The following DPYSL2 variants were observed in gnomAD, a reference collection of about 807,000 sequenced individuals.
DPYSL2 encodes dihydropyrimidinase like 2.
In DPYSL2, 13 loss-of-function variants were observed where a neutral mutation model predicts 69.9. The observed-to-expected ratio is 0.19, with a 90% confidence interval of 0.12 to 0.30. The LOEUF is 0.30. DPYSL2 is among the 10% of genes least tolerant of loss of function. The probability of loss-of-function intolerance (pLI) is 1.00; values close to 1 mark genes in which losing one functional copy is unlikely to be tolerated. For missense variants in DPYSL2, 587 were observed against 918.9 expected, an observed-to-expected ratio of 0.64 and a Z score of 4.67; for synonymous variants, 326 against 359.1, an observed-to-expected ratio of 0.91 and a Z score of 1.04.
At position 26,516,336 on chromosome 8, in the gene DPYSL2, G is replaced by A. The variant is rs903073363; in HGVS notation, c.354+1657G>A. 6.6e-6 allele frequency among the ~76,000 whole-genome samples: 1 copy of A among 152,230 alleles called. No homozygotes were observed. The highest frequency in any genetic ancestry group is 1.5e-5 in the Non-Finnish European group (1 of 68,042). On this transcript the variant is annotated intron_variant, in intron 1 of 13. Transcript: ENST00000521913. The surrounding 1 kb of genome is among the most constrained non-coding windows in gnomAD (Gnocchi z 4.8). ...AAACACTTCCCTGTGTGAGTACATT[G>A]AGTGAGGGCCAAAATCATATAGCAT...
At chr8:26,603,182 A>AT (rs960177614) in intron 3 of DPYSL2, among the ~76,000 whole-genome samples, 5 of 151,480 alleles carry the variant, frequency 3.3e-5, no homozygotes, top group African/African-American at 4.9e-5. Context: ...TATTTTTATT[A>AT]TTTTTTTTGA....
intron 1 of DPYSL2, among the ~76,000 whole-genome samples, chr8:26,556,492 T>C (rs1227178720): frequency 8.0e-6 from 1 of 125,520 alleles, no homozygotes; most frequent in Non-Finnish European, 1.6e-5. Flanking sequence ...ATATCAAGAT[T>C]GTAGGATATA....
At position 26,627,946 on chromosome 8, in the gene DPYSL2, T is replaced by C. The variant is rs761631209; in HGVS notation, c.1005+6T>C. The C allele has an allele frequency of 3.1e-6, 5 of 1,613,282 alleles. No homozygotes were observed. The highest frequency in any genetic ancestry group is 2.5e-6 in the Non-Finnish European group (3 of 1,179,818). ...TGCTGAGCCGACCTGAGGAGGTGAA[T>C]GTTCACCAAGCGGAATGCGTGAATC... On this transcript the variant is annotated splice_donor_region_variant and intron_variant, in intron 7 of 13. Transcript: ENST00000521913. The surrounding 1 kb of genome is among the most constrained non-coding windows in gnomAD (Gnocchi z 6.9).
chr8:26,524,835 A>AAAAAAAAAAAAAAAAAAAG lies in DPYSL2; in HGVS notation c.354+10157_354+10158insAAAAAAAAAAAAAAAAAGA, dbSNP rs1563374151. Among the ~76,000 whole-genome samples the AAAAAAAAAAAAAAAAAAAG allele has an allele frequency of 9.4e-5, 7 of 74,186 alleles. 2 individuals carry two copies. Among genetic ancestry groups the AAAAAAAAAAAAAAAAAAAG allele is most frequent in the East Asian group, 4.4e-4 (1 of 2,272 alleles). 48.7% of individuals were successfully genotyped at this position (74,186 alleles called of 152,430 possible). A position where few individuals can be genotyped will look rare whatever the true frequency, so the allele number is the denominator to read the frequency against. On this transcript the variant is annotated intron_variant, in intron 1 of 13. Coordinates refer to ENST00000521913, the MANE Select transcript of DPYSL2 (RefSeq NM_001197293.3). ...AAAAAAAAAAAAAAAAAAAAAAAAA[A>AAAAAAAAAAAAAAAAAAAG]AGAGAGAGAATTACTGTTTTTCAAT...
intron 1 of DPYSL2, among the ~76,000 whole-genome samples, chr8:26,534,221 C>T (rs1306514910): frequency 6.6e-6 from 1 of 152,166 alleles, no homozygotes; most frequent in African/African-American, 2.4e-5. Context: ...TGTTCTGTCA[C>T]TCATGCTGGA....
At chr8:26,576,382 C>T (rs1397143621) in intron 1 of DPYSL2, among the ~76,000 whole-genome samples, 1 of 151,872 alleles carries the variant, frequency 6.6e-6, no homozygotes, top group Non-Finnish European at 1.5e-5. Flanking sequence ...CACCCCCCAG[C>T]CCATGATTAC....
intron 1 of DPYSL2, among the ~76,000 whole-genome samples, chr8:26,579,952 G>GCT (rs1491431918): frequency 4.1e-5 from 1 of 24,574 alleles, no homozygotes; most frequent in Non-Finnish European, 1.1e-4. Context: ...TTTTTAAAGA[G>GCT]CGCCCCCCCC....
At chr8:26,579,366 C>G (rs1348224460) in intron 1 of DPYSL2, among the ~76,000 whole-genome samples, 1 of 152,252 alleles carries the variant, frequency 6.6e-6, no homozygotes, top group Non-Finnish European at 1.5e-5. Context: ...CCTATTCTTT[C>G]CATCCCCAGT....
At position 26,571,751 on chromosome 8, in the gene DPYSL2, G is replaced by A. The variant is rs973812733; in HGVS notation, c.355-10218G>A. Reference sequence around the variant, plus strand: ...TACAGTTCTAGCCAAAGCAGCGTCTGTTTCGGAGGGCCAGTCACTGCTGAC... The same window carrying A: ...TACAGTTCTAGCCAAAGCAGCGTCTATTTCGGAGGGCCAGTCACTGCTGAC... On this transcript the variant is annotated intron_variant, in intron 1 of 13. Coordinates refer to ENST00000521913, the MANE Select transcript of DPYSL2 (RefSeq NM_001197293.3). The surrounding 1 kb of genome is among the most constrained non-coding windows in gnomAD (Gnocchi z 6.1). Among the ~76,000 whole-genome samples the A allele has an allele frequency of 2.6e-5, 4 of 152,176 alleles. No individual in the cohort carries two copies. Among genetic ancestry groups the A allele is most frequent in the Non-Finnish European group, 4.4e-5 (3 of 68,042 alleles).
intron 1 of DPYSL2, among the ~76,000 whole-genome samples, chr8:26,531,062 G>GAA (rs11343463): frequency 1.5e-5 from 2 of 132,852 alleles, no homozygotes; most frequent in African/African-American, 2.9e-5. Flanking sequence ...TCGTCTCAAA[G>GAA]AAAAAAAAAA....
At chr8:26,549,005 A>G (rs1487907799) in intron 1 of DPYSL2, among the ~76,000 whole-genome samples, 1 of 152,060 alleles carries the variant, frequency 6.6e-6, no homozygotes, top group African/African-American at 2.4e-5. Flanking sequence ...CCTGACCAAC[A>G]TGGGGAAGCC....
chr8:26,561,251 C>T (rs940305255), intron 1 of DPYSL2, among the ~76,000 whole-genome samples: 2 of 152,108 alleles, frequency 1.3e-5, no homozygotes, highest in African/African-American at 4.8e-5. Context: ...TGCTACTCTG[C>T]CTCTCTCTGG....
rs1801778621 is a variant in DPYSL2 at position 26,593,080 on chromosome 8, A to C, written c.628+9097A>C. 6.6e-6 allele frequency among the ~76,000 whole-genome samples: 1 copy of C among 152,144 alleles called. No individual in the cohort carries two copies. The highest frequency in any genetic ancestry group is 6.5e-5 in the Admixed American group (1 of 15,282). On this transcript the variant is annotated intron_variant, in intron 3 of 13. Transcript: ENST00000521913. This position sits in a 1 kb window ranked among gnomAD's most constrained non-coding sequence, Gnocchi z 5.7. ...ATAAAGGGGAGTGACAGTGAGTAGA[A>C]ATTAGAGTTCTTTCTGGTTAACCCA...
intron 3 of DPYSL2, among the ~76,000 whole-genome samples, chr8:26,584,469 C>T (rs1001188073): frequency 3.3e-5 from 5 of 152,152 alleles, no homozygotes; most frequent in Non-Finnish European, 4.4e-5. Context: ...CAAATGGAGA[C>T]GATACTCTCT....
chr8:26,531,325 C>A (rs1416300267), intron 1 of DPYSL2, among the ~76,000 whole-genome samples: 1 of 152,080 alleles, frequency 6.6e-6, no homozygotes, highest in Non-Finnish European at 1.5e-5. Context: ...ATGGAAGTTC[C>A]CACAGGCCCA....
In DPYSL2 at chr8:26,578,385, A is replaced by C. The variant is rs1801408190; in HGVS notation, c.355-3584A>C. ...ATTTTTAAAAAGGAGGGGAAAGGAG[A>C]GGGACCGAACTTTTTTTTTCCTTTC... On this transcript the variant is annotated intron_variant, in intron 1 of 13. Coordinates refer to ENST00000521913, the MANE Select transcript of DPYSL2 (RefSeq NM_001197293.3). 6.3e-6 allele frequency: 10 copies of C among 1,589,584 alleles called. No individual in the cohort carries two copies. The East Asian group carries it at 2.2e-4, about 36-fold the overall frequency.
chr8:26,643,122 C>T lies in DPYSL2; in HGVS notation c.1127-317C>T, dbSNP rs980802328. On this transcript the variant is annotated intron_variant, in intron 8 of 13. Coordinates refer to ENST00000521913, the MANE Select transcript of DPYSL2 (RefSeq NM_001197293.3). This position sits in a 1 kb window ranked among gnomAD's most constrained non-coding sequence, Gnocchi z 6.5. Reference sequence around the variant, plus strand: ...TGGGACCGGATGCCTGGACACCATCCGAGCAGGAGATTAATGGAATTGAAA... The same window carrying T: ...TGGGACCGGATGCCTGGACACCATCTGAGCAGGAGATTAATGGAATTGAAA... 9 of 273,686 alleles carry T rather than the reference C, an allele frequency of 3.3e-5. No individual in the cohort carries two copies. The highest frequency in any genetic ancestry group is 8.3e-5 in the East Asian group (1 of 12,042). The allele number at this position is 273,686 out of a possible 1,614,324, so 17.0% of individuals were successfully genotyped here.
rs1273198741 is a variant in DPYSL2, at chr8:26,647,671, C to G, written c.1467C>G (p.Thr489=). The G allele has an allele frequency of 6.2e-7, 1 of 1,613,830 alleles. No individual in the cohort carries two copies. The highest frequency in any genetic ancestry group is 1.3e-5 in the African/African-American group (1 of 74,904). ...KMDENQFVAV[T]STNAAKVFNL... The stretch of plus-strand genomic sequence containing the variant: ...ATGAGAACCAGTTTGTGGCTGTGAC[C>G]AGCACCAATGCAGCCAAAGTCTTCA... The change falls in exon 11 of 14, where the codon ACC becomes ACG. Residue 489 remains threonine, a synonymous_variant. Coordinates refer to ENST00000521913, the MANE Select transcript of DPYSL2 (RefSeq NM_001197293.3). The surrounding 1 kb of genome is among the most constrained non-coding windows in gnomAD (Gnocchi z 5.1).
intron 1 of DPYSL2, among the ~76,000 whole-genome samples, chr8:26,575,787 A>G (rs1801316999): frequency 6.6e-6 from 1 of 152,152 alleles, no homozygotes. Context: ...AAGAATACAA[A>G]CAATATAATT....
Sources: gnomAD v4.1 joint callset for allele counts (sites outside exome capture counted in the v4.1 genomes callset) on GRCh38, gnomAD v4.1.1 for gene constraint, Gnocchi (gnomAD v3.1) non-coding constraint, MANE v1.5 for transcripts, NCBI Gene and HGNC (gene_info 2026-07-23, HGNC 2026-07-21) for gene names.